The following ELOVL7 variants were observed in gnomAD, a reference collection of about 807,000 sequenced individuals.
ELOVL7 encodes very long chain fatty acid elongase 7.
A neutral mutation model predicts 35.7 loss-of-function variants in ELOVL7; 27 were observed. The ratio of observed to expected loss-of-function variants is 0.76; its 90% CI spans 0.56 to 1.04. ELOVL7 has a LOEUF of 1.04. Among genes scored for constraint, ELOVL7 ranks in the 50% least tolerant of loss-of-function variants. The pLI is 0.00. For missense variants in ELOVL7, 327 were observed against 340.8 expected (o/e 0.96, Z 0.32); for synonymous variants, 113 against 114.6 (o/e 0.99, Z 0.09).
At chr5:60,772,618 G>A (rs768036633) in intron 3 of ELOVL7, among the ~76,000 whole-genome samples, 21 of 152,130 alleles carry the variant, frequency 1.4e-4, no homozygotes, top group Non-Finnish European at 2.5e-4. Flanking sequence ...TAAGTATGGC[G>A]CCAGAGGAAT....
chr5:60,824,839 C>T (rs1746078483), intron 1 of ELOVL7, among the ~76,000 whole-genome samples: 1 of 152,270 alleles, frequency 6.6e-6, no homozygotes, highest in Admixed American at 6.5e-5. Context: ...GTTTAAAATG[C>T]ACCAATATTT....
chr5:60,802,788 A>C (rs1402881537), intron 1 of ELOVL7: 2 of 152,156 alleles, frequency 1.3e-5, no homozygotes, highest in African/African-American at 4.8e-5. Flanking sequence ...TAAACACCTA[A>C]CTTTCTATTT....
At chr5:60,839,649 T>C (rs562075267) in intron 1 of ELOVL7, among the ~76,000 whole-genome samples, 1 of 152,368 alleles carries the variant, frequency 6.6e-6, no homozygotes, top group South Asian at 2.1e-4. Context: ...ATTCTGGCTA[T>C]TCTCAGTTTA....
At chr5:60,802,169 T>C (rs1386185115) in intron 1 of ELOVL7, among the ~76,000 whole-genome samples, 1 of 148,422 alleles carries the variant, frequency 6.7e-6, no homozygotes, top group East Asian at 2.0e-4. Context: ...TCTGGAGGAC[T>C]CTAATACAGA....
chr5:60,753,140 T>C lies in ELOVL7; in HGVS notation c.*1484A>G, dbSNP rs1165155778. ...GTATCTCTGTGTGTTCAAAATTAAC[T>C]GGGGCTTTAAGTACTAATTGTTTAA... On this transcript the variant is annotated 3_prime_UTR_variant, in exon 9 of 9. Transcript: ENST00000508821. The C allele has an allele frequency of 6.6e-6, 1 of 151,872 alleles. No individual in the cohort carries two copies. Among genetic ancestry groups the C allele is most frequent in the Non-Finnish European group, 1.5e-5 (1 of 67,960 alleles). 9.4% of individuals were successfully genotyped at this position (151,872 alleles called of 1,614,324 possible).
At chr5:60,827,494 T>G (rs904985999) in intron 1 of ELOVL7, among the ~76,000 whole-genome samples, 2 of 152,180 alleles carry the variant, frequency 1.3e-5, no homozygotes, top group Non-Finnish European at 2.9e-5. Flanking sequence ...AAAAACATTT[T>G]CTTCTAGACA....
chr5:60,768,027 G>C (rs920063812), intron 4 of ELOVL7, 124 bp from the exon 5 acceptor site: 4 of 649,934 alleles, frequency 6.2e-6, no homozygotes, highest in East Asian at 2.7e-5. Context: ...CAGAGGAAAA[G>C]GTAGCTGGAA....
At chr5:60,833,000 A>C (rs1274710070) in intron 1 of ELOVL7, among the ~76,000 whole-genome samples, 1 of 152,128 alleles carries the variant, frequency 6.6e-6, no homozygotes, top group Non-Finnish European at 1.5e-5. Context: ...CAGTTTCTGT[A>C]CTTGTAACAT....
intron 5 of ELOVL7, among the ~76,000 whole-genome samples, chr5:60,766,948 C>A (rs1016869379): frequency 1.4e-4 from 21 of 152,198 alleles, no homozygotes; most frequent in African/African-American, 5.1e-4. Flanking sequence ...CCAAATCATG[C>A]AGTATATGTC....
chr5:60,800,197 CA>C (rs1398205001), intron 1 of ELOVL7, among the ~76,000 whole-genome samples: 1 of 152,070 alleles, frequency 6.6e-6, no homozygotes, highest in Admixed American at 6.5e-5. Context: ...AACTTCAGGT[CA>C]ATACCCTTGA....
At position 60,755,611 on chromosome 5, in the gene ELOVL7, C is replaced by T. The variant is rs978053440; in HGVS notation, c.637-778G>A. 6.6e-5 allele frequency among the ~76,000 whole-genome samples: 10 copies of T among 152,062 alleles called. 1 individual carries two copies. Among genetic ancestry groups the T allele is most frequent in the Middle Eastern group, 3.4e-3 (1 of 294 alleles). ...GGCGGAGGTTGCAGTGAGCCGAGAT[C>T]GTGCCACTGCACTCTAGCCTGGGTG... is the stretch of plus-strand genomic sequence containing the variant. On this transcript the variant is annotated intron_variant, in intron 8 of 8. Transcript: ENST00000508821.
chr5:60,805,665 A>G (rs1744884312), intron 1 of ELOVL7, among the ~76,000 whole-genome samples: 1 of 152,174 alleles, frequency 6.6e-6, no homozygotes, highest in Non-Finnish European at 1.5e-5. Flanking sequence ...ATTGCATCCT[A>G]CTGGGAAGGA....
intron 1 of ELOVL7, among the ~76,000 whole-genome samples, chr5:60,838,193 C>A (rs2112409241): frequency 6.6e-6 from 1 of 152,262 alleles, no homozygotes; most frequent in Admixed American, 6.5e-5. Context: ...CATGCCTAGG[C>A]AACTTCAACT....
intron 1 of ELOVL7, among the ~76,000 whole-genome samples, chr5:60,803,034 C>T (rs73759423): frequency 0.033 from 5,082 of 152,260 alleles, 323 homozygotes; most frequent in African/African-American, 0.12. Context: ...TGAAAGGGAA[C>T]TTCTTTGTGT....
intron 1 of ELOVL7, among the ~76,000 whole-genome samples, chr5:60,799,995 C>G (rs1441982448): frequency 7.5e-6 from 1 of 132,848 alleles, no homozygotes; most frequent in Non-Finnish European, 1.5e-5. Flanking sequence ...TGAGATCACG[C>G]TATTGCACAC....
intron 1 of ELOVL7, among the ~76,000 whole-genome samples, chr5:60,821,242 C>CTTAG (rs759411020): frequency 6.6e-6 from 1 of 152,160 alleles, no homozygotes; most frequent in Non-Finnish European, 1.5e-5. Flanking sequence ...TGTGGTGACG[C>CTTAG]TTAGCACCCT....
chr5:60,814,986 G>T (rs1383683334), intron 1 of ELOVL7, among the ~76,000 whole-genome samples: 1 of 152,114 alleles, frequency 6.6e-6, no homozygotes, highest in Non-Finnish European at 1.5e-5. Flanking sequence ...GCAGCTAATT[G>T]CCAGGAAACT....
At chr5:60,786,566 G>C (rs576347909) in intron 3 of ELOVL7, among the ~76,000 whole-genome samples, 43 of 152,112 alleles carry the variant, frequency 2.8e-4, no homozygotes, top group African/African-American at 9.9e-4. Flanking sequence ...AGAATCACTC[G>C]GAGGTGTCCC....
At chr5:60,807,625 C>T (rs10062839) in intron 1 of ELOVL7, among the ~76,000 whole-genome samples, 118,751 of 151,826 alleles carry the variant, frequency 0.78, 46,664 homozygotes, top group East Asian at 0.9. Context: ...GAACCCAGAA[C>T]AACAAAAGGT....
Sources: gnomAD v4.1 joint callset for allele counts (sites outside exome capture counted in the v4.1 genomes callset) on GRCh38, gnomAD v4.1.1 for gene constraint, MANE v1.5 for transcripts, NCBI Gene and HGNC (gene_info 2026-07-23, HGNC 2026-07-21) for gene names.